The following PTPRK variants were observed in gnomAD, a reference collection of about 807,000 sequenced individuals.
PTPRK encodes protein tyrosine phosphatase receptor type K, also known as receptor-type tyrosine-protein phosphatase kappa.
In PTPRK, 75 loss-of-function variants were observed where a neutral mutation model predicts 178.0. That is an observed-to-expected ratio of 0.42 (90% CI 0.35 to 0.51). PTPRK has a LOEUF of 0.51. Among genes scored for constraint, PTPRK ranks in the 20% least tolerant of loss-of-function variants. The pLI is 0.02. For missense variants in PTPRK, 1,441 were observed against 1,797.8 expected, an observed-to-expected ratio of 0.80 and a Z score of 3.59; for synonymous variants, 637 against 620.6, an observed-to-expected ratio of 1.03 and a Z score of -0.39.
intron 13 of PTPRK, among the ~76,000 whole-genome samples, chr6:128,058,632 G>A (rs1451963266): frequency 6.6e-6 from 1 of 151,926 alleles, no homozygotes; most frequent in African/African-American, 2.4e-5. Context: ...ACAGGAAAGA[G>A]GTCTTAAGTA....
chr6:128,516,875 T>C (rs11752620), intron 1 of PTPRK, among the ~76,000 whole-genome samples: 34 of 152,110 alleles, frequency 2.2e-4, no homozygotes, highest in Non-Finnish European at 5.0e-4. Context: ...TTTTCTGTAG[T>C]TAGAAATGCC....
Position 128,435,106 on chromosome 6 carries a change from AAGGCAGGAAGGCAGGCAGGAAGGCAGGC to A in PTPRK, c.101-37446_101-37419del, listed in dbSNP as rs1562515851. ...GAAGGAAGGAAGGAAGGAAGGAAGG[AAGGCAGGAAGGCAGGCAGGAAGGCAGGC>A]AGGCAGGCAGGCAGGCAGGCAGGCA... On this transcript the variant is annotated intron_variant, in intron 1 of 29. Coordinates refer to ENST00000368226, the MANE Select transcript of PTPRK (RefSeq NM_002844.4). Among the ~76,000 whole-genome samples the A allele has an allele frequency of 1.7e-3, 112 of 64,574 alleles. 2 individuals carry two copies. The highest frequency in any genetic ancestry group is 7.4e-3 in the Middle Eastern group (1 of 136). 42.4% of individuals were successfully genotyped at this position (64,574 alleles called of 152,430 possible). A position where few individuals can be genotyped will look rare whatever the true frequency, so the allele number is the denominator to read the frequency against.
chr6:128,029,309 G>A (rs925552613), intron 13 of PTPRK, among the ~76,000 whole-genome samples: 1 of 151,942 alleles, frequency 6.6e-6, no homozygotes, highest in African/African-American at 2.4e-5. Context: ...CCAGCACTAC[G>A]CTTCCTCTAC....
chr6:128,500,394 G>A (rs1447283400), intron 1 of PTPRK: 1 of 152,036 alleles, frequency 6.6e-6, no homozygotes, highest in Non-Finnish European at 1.5e-5. Context: ...AATCACTGTG[G>A]CCACTACTGG....
Position 128,191,102 on chromosome 6 carries a change from TCA to T in PTPRK, c.869-6379_869-6378del, listed in dbSNP as rs1219674269. The stretch of plus-strand genomic sequence containing the variant: ...AACCATGAAATAAGCACACATGATT[TCA>T]CAGTGGTAAGTAGGTAGAAAACTTT... On this transcript the variant is annotated intron_variant, in intron 6 of 29. Transcript: ENST00000368226. Among the ~76,000 whole-genome samples, 3 of 152,288 alleles carry T rather than the reference TCA, an allele frequency of 2.0e-5. No individual in the cohort carries two copies. The East Asian group carries it at 5.8e-4, about 29-fold the overall frequency.
intron 5 of PTPRK, chr6:128,237,902 A>C: frequency 3.2e-6 from 1 of 311,426 alleles, no homozygotes; most frequent in South Asian, 2.9e-5. Context: ...ATTGATATAT[A>C]GATAATGATC....
chr6:128,376,733 A>C (rs368557723), intron 2 of PTPRK, among the ~76,000 whole-genome samples: 3 of 152,178 alleles, frequency 2.0e-5, no homozygotes, highest in Non-Finnish European at 4.4e-5. Context: ...CACCTTTAAC[A>C]GCACCCAAGT....
At chr6:128,261,125 T>G (rs977556611) in intron 3 of PTPRK, among the ~76,000 whole-genome samples, 1 of 152,154 alleles carries the variant, frequency 6.6e-6, no homozygotes, top group Non-Finnish European at 1.5e-5. Flanking sequence ...GTTGTCTTTA[T>G]TTATTTTATA....
At chr6:128,449,834 G>T (rs759731272) in intron 1 of PTPRK, among the ~76,000 whole-genome samples, 6 of 151,814 alleles carry the variant, frequency 4.0e-5, no homozygotes, top group Admixed American at 6.6e-5. Context: ...GGTGGCTCAT[G>T]CCTGTAATTC....
chr6:128,513,074 C>T (rs1227788824), intron 1 of PTPRK, among the ~76,000 whole-genome samples: 1 of 151,996 alleles, frequency 6.6e-6, no homozygotes, highest in Non-Finnish European at 1.5e-5. Context: ...CTTTTAGTCT[C>T]TTATGAAAAT....
At chr6:127,997,062 C>G in intron 16 of PTPRK, 74 bp from the exon 17 acceptor site, 1 of 1,478,100 alleles carries the variant, frequency 6.8e-7, no homozygotes, top group South Asian at 1.2e-5. Flanking sequence ...TTCTGAAGCC[C>G]CAAATAGTAA....
chr6:128,519,191 G>A lies in PTPRK; in HGVS notation c.100+1068C>T. 1 of 461,004 alleles carries A rather than the reference G, an allele frequency of 2.2e-6. No homozygotes were observed. The allele number at this position is 461,004 out of a possible 1,614,324, so 28.6% of individuals were successfully genotyped here. A position where few individuals can be genotyped will look rare whatever the true frequency, so the allele number is the denominator to read the frequency against. ...GTCAGGACTGGCGGGAGGTAGACAA[G>A]TGCTCGGGAGCCCGCTCCCCAGCGT... On this transcript the variant is annotated intron_variant, in intron 1 of 29. Transcript: ENST00000368226. This position sits in a 1 kb window ranked among gnomAD's most constrained non-coding sequence, Gnocchi z 4.3.
chr6:128,265,478 C>T (rs929416552), intron 3 of PTPRK, among the ~76,000 whole-genome samples: 3 of 151,944 alleles, frequency 2.0e-5, no homozygotes, highest in East Asian at 3.9e-4. Flanking sequence ...TTGTAACAAC[C>T]CTATGAGGTA....
intron 1 of PTPRK, among the ~76,000 whole-genome samples, chr6:128,416,424 G>A (rs908375246): frequency 6.6e-6 from 1 of 151,602 alleles, no homozygotes; most frequent in African/African-American, 2.4e-5. Context: ...GGCGGATCAC[G>A]AGGTCAGGAG....
intron 2 of PTPRK, among the ~76,000 whole-genome samples, chr6:128,328,697 C>T (rs905146342): frequency 6.6e-6 from 1 of 152,004 alleles, no homozygotes; most frequent in Non-Finnish European, 1.5e-5. Context: ...TATCAAGCAG[C>T]TTTTGTTTCT....
At chr6:128,093,596 CAAAAAAAA>C (rs1172145765) in intron 7 of PTPRK, among the ~76,000 whole-genome samples, 9 of 6,272 alleles carry the variant, frequency 1.4e-3, no homozygotes, top group African/African-American at 4.1e-3. Flanking sequence ...GACTCTCTCT[CAAAAAAAA>C]AAAAAAAAAA....
At chr6:128,018,703 G>A (rs1364455811) in intron 13 of PTPRK, among the ~76,000 whole-genome samples, 1 of 152,026 alleles carries the variant, frequency 6.6e-6, no homozygotes, top group Non-Finnish European at 1.5e-5. Flanking sequence ...TAAAGCCTCA[G>A]TAAGTATTAG....
intron 3 of PTPRK, among the ~76,000 whole-genome samples, chr6:128,298,841 T>C (rs969428605): frequency 6.6e-6 from 1 of 152,072 alleles, no homozygotes; most frequent in Non-Finnish European, 1.5e-5. Flanking sequence ...ACCACTCCTA[T>C]TCAACATAGT....
At chr6:128,092,643 G>A (rs1418812150) in intron 7 of PTPRK, among the ~76,000 whole-genome samples, 3 of 152,066 alleles carry the variant, frequency 2.0e-5, no homozygotes, top group African/African-American at 7.2e-5. Context: ...TATTCACTTA[G>A]ACATGGGCTG....
Sources: gnomAD v4.1 joint callset for allele counts (sites outside exome capture counted in the v4.1 genomes callset) on GRCh38, gnomAD v4.1.1 for gene constraint, Gnocchi (gnomAD v3.1) non-coding constraint, MANE v1.5 for transcripts, NCBI Gene and HGNC (gene_info 2026-07-23, HGNC 2026-07-21) for gene names.